RUVBL1: variants seen among roughly 807,000 people sequenced by gnomAD.
RUVBL1 encodes ruvB-like 1.
A neutral mutation model predicts 52.4 loss-of-function variants in RUVBL1; 4 were observed. The ratio of observed to expected loss-of-function variants is 0.08; its 90% confidence interval spans 0.04 to 0.17. The LOEUF (loss-of-function observed/expected upper bound fraction) is 0.17, where lower values mean the gene tolerates loss of function less well. RUVBL1 is among the 10% of genes least tolerant of loss of function. RUVBL1 has a pLI of 1.00. For synonymous variants in RUVBL1, 217 were observed against 214.4 expected, an observed-to-expected ratio of 1.01 and a Z score of -0.10; for missense variants, 298 against 572.8, an observed-to-expected ratio of 0.52 and a Z score of 4.90.
chr3:128,119,950 G>C (rs1943606127), intron 1 of RUVBL1, among the ~76,000 whole-genome samples: 1 of 152,220 alleles, frequency 6.6e-6, no homozygotes, highest in South Asian at 2.1e-4. Context: ...GTGTGGTAAA[G>C]TTTGGATTTT....
intron 3 of RUVBL1, among the ~76,000 whole-genome samples, chr3:128,106,418 G>C (rs542380536): frequency 6.6e-6 from 1 of 151,864 alleles, no homozygotes; most frequent in Non-Finnish European, 1.5e-5. Context: ...ACTCTTTTTA[G>C]CTTAGGCAAC....
At chr3:128,095,766 G>C (rs908400308) in intron 8 of RUVBL1, among the ~76,000 whole-genome samples, 1 of 152,124 alleles carries the variant, frequency 6.6e-6, no homozygotes, top group South Asian at 2.1e-4. Flanking sequence ...ATTATTTTTA[G>C]AGATGAGGTC....
At chr3:128,095,437 TA>T (rs1942946871) in intron 8 of RUVBL1, among the ~76,000 whole-genome samples, 1 of 152,234 alleles carries the variant, frequency 6.6e-6, no homozygotes, top group Non-Finnish European at 1.5e-5. Context: ...ATACCAGCCA[TA>T]AGGCCCACAT....
chr3:128,141,763 T>G (rs966139048), intron 1 of RUVBL1: 1 of 152,364 alleles, frequency 6.6e-6, no homozygotes, highest in Admixed American at 6.5e-5. Flanking sequence ...CCCAAAGTGC[T>G]GGGATTATAG....
At chr3:128,139,349 A>G (rs1300990245) in intron 1 of RUVBL1, among the ~76,000 whole-genome samples, 1 of 152,236 alleles carries the variant, frequency 6.6e-6, no homozygotes, top group South Asian at 2.1e-4. Context: ...CTCAATAGGA[A>G]AAAATCTAAT....
intron 1 of RUVBL1, among the ~76,000 whole-genome samples, chr3:128,141,092 A>AGAAATACT (rs1381461011): frequency 2.6e-5 from 4 of 152,218 alleles, no homozygotes; most frequent in African/African-American, 9.7e-5. Flanking sequence ...CTATGTATGG[A>AGAAATACT]GAAATACTTC....
chr3:128,127,400 C>T (rs940750516), upstream of RUVBL1, among the ~76,000 whole-genome samples: 8 of 152,136 alleles, frequency 5.3e-5, no homozygotes, highest in Non-Finnish European at 1.2e-4. Context: ...CTCCCACGAC[C>T]CTCTCATTCC....
At chr3:128,118,464 T>C (rs74861254) in intron 2 of RUVBL1, among the ~76,000 whole-genome samples, 2,215 of 152,338 alleles carry the variant, frequency 0.015, 24 homozygotes, top group Non-Finnish European at 0.025. Context: ...TCAGGTCTCA[T>C]AGCAAGTCAA....
intron 6 of RUVBL1, among the ~76,000 whole-genome samples, chr3:128,099,567 T>G (rs1943067623): frequency 6.6e-6 from 1 of 152,184 alleles, no homozygotes; most frequent in Non-Finnish European, 1.5e-5. Context: ...GCTGACTCCA[T>G]AACAGGTTCA....
chr3:128,128,991 A>G (rs1943836862), intron 1 of RUVBL1, among the ~76,000 whole-genome samples: 1 of 152,080 alleles, frequency 6.6e-6, no homozygotes, highest in Admixed American at 6.5e-5. Flanking sequence ...TCATTCCCAC[A>G]GGATATGTGC....
chr3:128,087,121 AG>A (rs1942666329), intron 9 of RUVBL1, among the ~76,000 whole-genome samples: 1 of 152,244 alleles, frequency 6.6e-6, no homozygotes, highest in East Asian at 1.9e-4. Flanking sequence ...AGACCTGCCC[AG>A]GGGCGGCCTC....
At chr3:128,153,370 G>T in exon 1 of RUVBL1, 4 of 1,388,132 alleles carry the variant, frequency 2.9e-6, no homozygotes, top group South Asian at 1.6e-5. Flanking sequence ...TGAGCCTCAG[G>T]AGGGCGGAAG....
At chr3:128,152,888 T>TCCCCCCCCCCCCCCCCGC (rs1559843129) in intron 1 of RUVBL1, among the ~76,000 whole-genome samples, 3 of 22,334 alleles carry the variant, frequency 1.3e-4, no homozygotes, top group Non-Finnish European at 2.5e-4. Flanking sequence ...ATTTGCCCCC[T>TCCCCCCCCCCCCCCCCGC]CCCCCACGTC....
downstream of RUVBL1, among the ~76,000 whole-genome samples, chr3:128,080,449 C>T (rs1405988079): frequency 6.6e-6 from 1 of 152,132 alleles, no homozygotes; most frequent in Non-Finnish European, 1.5e-5. Flanking sequence ...TGAGAAGACC[C>T]GACAAACATG....
upstream of RUVBL1, among the ~76,000 whole-genome samples, chr3:128,124,602 G>GCCAT (rs1307007768): frequency 6.6e-6 from 1 of 152,128 alleles, no homozygotes; most frequent in Non-Finnish European, 1.5e-5. Flanking sequence ...AATTGTACTT[G>GCCAT]CCATCCATCC....
At chr3:128,120,451 C>G (rs1576475831) in intron 1 of RUVBL1, among the ~76,000 whole-genome samples, 2 of 152,160 alleles carry the variant, frequency 1.3e-5, no homozygotes, top group East Asian at 3.9e-4. Context: ...TGTATATATA[C>G]ACACACATAT....
chr3:128,086,799 C>T (rs904191564), intron 9 of RUVBL1, among the ~76,000 whole-genome samples: 2 of 152,264 alleles, frequency 1.3e-5, no homozygotes, highest in African/African-American at 4.8e-5. Flanking sequence ...TGCTCTAGCT[C>T]CAAACCAAGC....
rs780977111 is a variant in RUVBL1, at chr3:128,100,603, G to A, written c.745C>T (p.Arg249Trp). The change falls in exon 6 of 11, where the codon CGG (arginine) becomes TGG (tryptophan). Residue 249 changes from arginine (R) to tryptophan (W), a missense_variant. Arg to Trp is a moderately radical substitution (Grantham distance 101). Coordinates refer to ENST00000322623, the MANE Select transcript of RUVBL1 (RefSeq NM_003707.3). ...AGGCATCGAGGCAGTACCTGGGGCC[G>A]CGCATTAGCCACATCCAAGTCATGC... ...TLHDLDVANA[R>W]PQGGQDILSM... 18 of 1,606,750 alleles carry A rather than the reference G, an allele frequency of 1.1e-5. No homozygotes were observed. The highest frequency in any genetic ancestry group is 9.4e-5 in the African/African-American group (7 of 74,480).
intron 1 of RUVBL1, among the ~76,000 whole-genome samples, chr3:128,147,293 C>T (rs1944120235): frequency 6.6e-6 from 1 of 152,120 alleles, no homozygotes; most frequent in Non-Finnish European, 1.5e-5. Flanking sequence ...TGGTCTCCAA[C>T]TCCTGGGCTC....
Sources: gnomAD v4.1 joint callset for allele counts (sites outside exome capture counted in the v4.1 genomes callset) on GRCh38, gnomAD v4.1.1 for gene constraint, MANE v1.5 for transcripts, NCBI Gene and HGNC (gene_info 2026-07-23, HGNC 2026-07-21) for gene names.